Variants in CADM2 observed in about 807,000 individuals in gnomAD.
CADM2 encodes cell adhesion molecule 2.
Under a neutral mutation model 49.8 loss-of-function variants are expected in CADM2, and 12 were observed. That is an observed-to-expected ratio of 0.24 (90% CI 0.15 to 0.39). The LOEUF is 0.39. Among genes scored for constraint, CADM2 ranks in the 10% least tolerant of loss-of-function variants. The probability of loss-of-function intolerance (pLI) is 1.00; values close to 1 mark genes in which losing one functional copy is unlikely to be tolerated. For missense variants in CADM2, 378 were observed against 492.3 expected, an observed-to-expected ratio of 0.77 and a Z score of 2.20; for synonymous variants, 214 against 175.4, an observed-to-expected ratio of 1.22 and a Z score of -1.74.
chr3:85,323,948 C>G (rs989307487), intron 1 of CADM2, among the ~76,000 whole-genome samples: 1 of 152,078 alleles, frequency 6.6e-6, no homozygotes, highest in African/African-American at 2.4e-5. Flanking sequence ...GTTGAGGGCA[C>G]CTTACGAATC....
intron 1 of CADM2, among the ~76,000 whole-genome samples, chr3:85,037,256 A>G (rs776938276): frequency 1.4e-4 from 21 of 152,338 alleles, no homozygotes; most frequent in Admixed American, 2.6e-4. Context: ...ATAGTGGTAC[A>G]TATGAATGGT....
chr3:85,907,691 A>T (rs763835641), intron 5 of CADM2, among the ~76,000 whole-genome samples: 1 of 152,112 alleles, frequency 6.6e-6, no homozygotes, highest in Non-Finnish European at 1.5e-5. Flanking sequence ...CAGGCAGATC[A>T]CCTGAGGTCA....
intron 1 of CADM2, among the ~76,000 whole-genome samples, chr3:85,062,457 T>G (rs2036366666): frequency 6.6e-6 from 1 of 151,932 alleles, no homozygotes; most frequent in Admixed American, 6.6e-5. Context: ...TCATTCTAAA[T>G]AAATCGGAAA....
chr3:85,726,574 G>A (rs761905905), intron 2 of CADM2, 26 bp downstream of exon 2: 3 of 1,582,524 alleles, frequency 1.9e-6, no homozygotes, highest in Non-Finnish European at 2.6e-6. Context: ...TTCTGCATGA[G>A]TCATCATCAT....
intron 1 of CADM2, among the ~76,000 whole-genome samples, chr3:85,265,869 A>G (rs1444248593): frequency 2.0e-5 from 3 of 151,982 alleles, no homozygotes; most frequent in Non-Finnish European, 4.4e-5. Context: ...TCTTTGTATC[A>G]TATAATAAAT....
intron 1 of CADM2, among the ~76,000 whole-genome samples, chr3:85,581,909 G>A (rs1218465533): frequency 8.3e-6 from 1 of 120,620 alleles, no homozygotes; most frequent in African/African-American, 2.7e-5. Flanking sequence ...TATTTGAAGT[G>A]TTTTTTGTTT....
intron 1 of CADM2, among the ~76,000 whole-genome samples, chr3:85,012,885 C>A (rs553899625): frequency 3.2e-4 from 49 of 151,758 alleles, no homozygotes; most frequent in Middle Eastern, 3.4e-3. Context: ...TACCAGGATT[C>A]ATTTATTTGA....
At chr3:85,716,438 C>A (rs1232736044) in intron 1 of CADM2, among the ~76,000 whole-genome samples, 14 of 152,058 alleles carry the variant, frequency 9.2e-5, no homozygotes, top group Admixed American at 8.5e-4. Context: ...CAAAAATTTT[C>A]TCTAATTCTG....
chr3:85,198,453 G>A (rs909451023), intron 1 of CADM2, among the ~76,000 whole-genome samples: 2 of 149,578 alleles, frequency 1.3e-5, no homozygotes, highest in African/African-American at 2.4e-5. Flanking sequence ...GTCTCACCAC[G>A]ATGTTAATAG....
intron 1 of CADM2, among the ~76,000 whole-genome samples, chr3:85,039,868 G>GA (rs2035369832): frequency 2.0e-5 from 3 of 151,962 alleles, no homozygotes; most frequent in Admixed American, 6.5e-5. Context: ...GGGAGAAAAA[G>GA]AAAAAACGGC....
intron 1 of CADM2, among the ~76,000 whole-genome samples, chr3:85,401,685 T>C (rs1348235436): frequency 2.6e-5 from 4 of 152,110 alleles, no homozygotes; most frequent in Non-Finnish European, 2.9e-5. Flanking sequence ...GTTTACACAT[T>C]TGGAGGGACC....
intron 1 of CADM2, among the ~76,000 whole-genome samples, chr3:85,011,382 T>G (rs1193805066): frequency 2.0e-5 from 3 of 152,176 alleles, no homozygotes; most frequent in African/African-American, 7.2e-5. Flanking sequence ...AGACAGATTT[T>G]GATAGAAAAT....
chr3:85,673,207 C>A (rs1345134547), intron 1 of CADM2, among the ~76,000 whole-genome samples: 1 of 152,028 alleles, frequency 6.6e-6, no homozygotes, highest in Non-Finnish European at 1.5e-5. Flanking sequence ...AGAAGGTTAC[C>A]AACAGCATGC....
chr3:85,928,682 G>T (rs1720220363), intron 6 of CADM2, among the ~76,000 whole-genome samples: 1 of 152,130 alleles, frequency 6.6e-6, no homozygotes, highest in Non-Finnish European at 1.5e-5. Context: ...GCGTATTTTA[G>T]TTGGATACTT....
chr3:85,293,120 C>T (rs2043850391), intron 1 of CADM2, among the ~76,000 whole-genome samples: 1 of 152,094 alleles, frequency 6.6e-6, no homozygotes, highest in African/African-American at 2.4e-5. Flanking sequence ...TCACTGATCC[C>T]ACAGAAATAC....
chr3:85,164,044 G>A (rs2040402656), intron 1 of CADM2, among the ~76,000 whole-genome samples: 1 of 151,768 alleles, frequency 6.6e-6, no homozygotes, highest in Non-Finnish European at 1.5e-5. Flanking sequence ...GAAAACTTTG[G>A]TATCAACTAC....
intron 1 of CADM2, among the ~76,000 whole-genome samples, chr3:85,078,661 G>A (rs1225472780): frequency 6.6e-6 from 1 of 151,396 alleles, no homozygotes; most frequent in Non-Finnish European, 1.5e-5. Flanking sequence ...GATGTTCTCT[G>A]AAATGCCCCA....
Position 86,066,720 on chromosome 3 carries a change from A to C in CADM2, c.1152A>C (p.Thr384=). The change falls in exon 10 of 10, where the codon ACA becomes ACC. Residue 384 remains threonine (T), a synonymous_variant. Coordinates refer to ENST00000383699, the MANE Select transcript of CADM2 (RefSeq NM_001167675.2). The stretch of plus-strand genomic sequence containing the variant: ...CTGAAGATGCACCAGATGCTGATAC[A>C]GCCATTATCAATGCTGAAGGCAGCC... ...KGAEDAPDAD[T]AIINAEGSQV... is the part of the protein sequence containing the mutation. 5 of 1,614,118 alleles carry C rather than the reference A, an allele frequency of 3.1e-6. No individual in the cohort carries two copies. The highest frequency in any genetic ancestry group is 4.2e-6 in the Non-Finnish European group (5 of 1,179,946).
intron 1 of CADM2, among the ~76,000 whole-genome samples, chr3:85,508,203 T>C (rs2040444236): frequency 6.6e-6 from 1 of 152,198 alleles, no homozygotes; most frequent in African/African-American, 2.4e-5. Flanking sequence ...ATTATATCCT[T>C]TGGCTTTTTA....
Sources: gnomAD v4.1 joint callset for allele counts (sites outside exome capture counted in the v4.1 genomes callset) on GRCh38, gnomAD v4.1.1 for gene constraint, MANE v1.5 for transcripts, NCBI Gene and HGNC (gene_info 2026-07-23, HGNC 2026-07-21) for gene names.